Variants in SCFD2 observed in about 807,000 individuals in gnomAD.
The protein encoded by SCFD2 is sec1 family domain-containing protein 2.
Under a neutral mutation model 58.9 loss-of-function variants are expected in SCFD2, and 54 were observed. The observed-to-expected ratio is 0.92, with a 90% CI of 0.74 to 1.15. The LOEUF is 1.15. Among genes scored for constraint, SCFD2 ranks in the 50% most tolerant of loss-of-function variants. The pLI, the probability that SCFD2 is intolerant of heterozygous loss-of-function variation, is 0.00. For missense variants in SCFD2, 805 were observed against 836.6 expected (o/e 0.96, Z 0.47); for synonymous variants, 321 against 335.9 (o/e 0.96, Z 0.49).
At chr4:53,332,213 T>C (rs556400840) in intron 2 of SCFD2, among the ~76,000 whole-genome samples, 130 of 150,224 alleles carry the variant, frequency 8.7e-4, no homozygotes, top group African/African-American at 3.0e-3. Flanking sequence ...TTCCAATCAA[T>C]AGAAAAAGAG....
intron 5 of SCFD2, among the ~76,000 whole-genome samples, chr4:53,000,087 C>G (rs1721830842): frequency 6.6e-6 from 1 of 152,192 alleles, no homozygotes; most frequent in Non-Finnish European, 1.5e-5. Context: ...AGCAGATGCT[C>G]ACTAAATGGT....
intron 4 of SCFD2, among the ~76,000 whole-genome samples, chr4:53,185,459 G>A (rs1019949850): frequency 1.3e-5 from 2 of 151,946 alleles, no homozygotes; most frequent in African/African-American, 2.4e-5. Context: ...GCTATATAGT[G>A]CTGCTCTTAA....
intron 5 of SCFD2, among the ~76,000 whole-genome samples, chr4:52,932,684 C>A (rs1051604101): frequency 3.3e-5 from 5 of 152,050 alleles, no homozygotes; most frequent in African/African-American, 1.2e-4. Context: ...AAGAGAAGGG[C>A]AATTTGAGTT....
At chr4:52,882,545 A>T (rs758079148) in intron 8 of SCFD2, among the ~76,000 whole-genome samples, 25 of 152,178 alleles carry the variant, frequency 1.6e-4, no homozygotes, top group Non-Finnish European at 2.9e-4. Context: ...CCCACCCTCA[A>T]TCTGGGTGGG....
chr4:53,296,428 G>A lies in SCFD2; in HGVS notation c.1135+17208C>T, dbSNP rs573456029. 4.6e-5 allele frequency among the ~76,000 whole-genome samples: 7 copies of A among 152,278 alleles called. No individual in the cohort carries two copies. In the South Asian group the frequency reaches 1.5e-3, roughly 32 times the overall value. On this transcript the variant is annotated intron_variant, in intron 3 of 8. Coordinates refer to ENST00000401642, the MANE Select transcript of SCFD2 (RefSeq NM_152540.4). ...ACATTTTCTAGTTTATTTGCATAGAGGTGTTTATAGTATTCTCCGATGGTA... is the reference window on the plus strand; with the variant it reads ...ACATTTTCTAGTTTATTTGCATAGAAGTGTTTATAGTATTCTCCGATGGTA...
intron 5 of SCFD2, among the ~76,000 whole-genome samples, chr4:52,924,275 T>C (rs530288878): frequency 6.6e-6 from 1 of 152,302 alleles, no homozygotes; most frequent in South Asian, 2.1e-4. Context: ...TACATGAAAG[T>C]TATGGATTAT....
chr4:52,974,280 C>T (rs1721192850), intron 5 of SCFD2, among the ~76,000 whole-genome samples: 1 of 152,156 alleles, frequency 6.6e-6, no homozygotes, highest in African/African-American at 2.4e-5. Context: ...CCCATCGTCT[C>T]AGCCCAAAAT....
At position 53,257,369 on chromosome 4, in the gene SCFD2, G is replaced by A. The variant is rs1730677799; in HGVS notation, c.1311+16457C>T. On this transcript the variant is annotated intron_variant, in intron 4 of 8. Coordinates refer to ENST00000401642, the MANE Select transcript of SCFD2 (RefSeq NM_152540.4). ...AAACAGCAGCTGTCACACAATAAAG[G>A]CAGATCCTAACCCTGGAAGGCTGAG... Among the ~76,000 whole-genome samples the A allele has an allele frequency of 2.0e-5, 3 of 152,148 alleles. No homozygotes were observed. The South Asian group carries it at 6.2e-4, about 32-fold the overall frequency.
intron 5 of SCFD2, among the ~76,000 whole-genome samples, chr4:52,935,999 A>G (rs894093985): frequency 6.6e-6 from 1 of 151,890 alleles, no homozygotes; most frequent in Non-Finnish European, 1.5e-5. Context: ...CACCACGCCC[A>G]GCTAATTTTG....
At chr4:53,005,547 C>A (rs1333417127) in intron 5 of SCFD2, among the ~76,000 whole-genome samples, 3 of 152,138 alleles carry the variant, frequency 2.0e-5, no homozygotes, top group Non-Finnish European at 4.4e-5. Flanking sequence ...TCTTCATGTT[C>A]CTTCATCGAT....
At chr4:53,278,973 A>G (rs1199929391) in intron 3 of SCFD2, among the ~76,000 whole-genome samples, 10 of 152,234 alleles carry the variant, frequency 6.6e-5, no homozygotes, top group Non-Finnish European at 1.2e-4. Context: ...CAACTAATTG[A>G]CCATCAAAAA....
intron 5 of SCFD2, among the ~76,000 whole-genome samples, chr4:53,047,494 G>A (rs1306902085): frequency 3.3e-5 from 5 of 152,098 alleles, no homozygotes; most frequent in Admixed American, 3.3e-4. Flanking sequence ...TATCTTCCAA[G>A]TATTTTCTTT....
intron 2 of SCFD2, among the ~76,000 whole-genome samples, chr4:53,337,420 C>T (rs1733718784): frequency 6.6e-6 from 1 of 152,188 alleles, no homozygotes; most frequent in African/African-American, 2.4e-5. Context: ...AAATCTTCAA[C>T]ATATGAACTT....
At chr4:53,152,556 A>C (rs568962520) in intron 4 of SCFD2, among the ~76,000 whole-genome samples, 1 of 152,166 alleles carries the variant, frequency 6.6e-6, no homozygotes, top group Non-Finnish European at 1.5e-5. Flanking sequence ...AGGGGTTTCA[A>C]TATGAGATTT....
intron 5 of SCFD2, among the ~76,000 whole-genome samples, chr4:53,096,663 T>C (rs1577723473): frequency 1.3e-5 from 2 of 152,234 alleles, no homozygotes; most frequent in Non-Finnish European, 2.9e-5. Context: ...ATTCTGTAGG[T>C]TGCCTGTTCA....
At chr4:53,296,159 G>A (rs1262976659) in intron 3 of SCFD2, among the ~76,000 whole-genome samples, 1 of 152,208 alleles carries the variant, frequency 6.6e-6, no homozygotes, top group African/African-American at 2.4e-5. Flanking sequence ...CATAAAATGA[G>A]TTAGGGAGGA....
chr4:53,230,281 C>G (rs1030487074), intron 4 of SCFD2, among the ~76,000 whole-genome samples: 2 of 152,108 alleles, frequency 1.3e-5, no homozygotes, highest in African/African-American at 4.8e-5. Context: ...GGTATATACC[C>G]AAAGGATTAG....
intron 4 of SCFD2, among the ~76,000 whole-genome samples, chr4:53,226,525 A>C (rs1199930189): frequency 6.6e-6 from 1 of 152,140 alleles, no homozygotes; most frequent in African/African-American, 2.4e-5. Flanking sequence ...TTATTTAAAA[A>C]ATTTTTCACT....
At chr4:52,891,857 T>C (rs1234891065) in intron 7 of SCFD2, among the ~76,000 whole-genome samples, 1 of 152,236 alleles carries the variant, frequency 6.6e-6, no homozygotes, top group East Asian at 1.9e-4. Context: ...TGCCCTCCAC[T>C]TTCTAAGCCC....
Sources: allele counts gnomAD v4.1 joint callset (sites outside exome capture counted in the v4.1 genomes callset), GRCh38; gene constraint gnomAD v4.1.1; transcripts MANE v1.5; gene names NCBI Gene and HGNC (gene_info 2026-07-23, HGNC 2026-07-21).